The following PTPRR variants were observed in gnomAD, a reference collection of about 807,000 sequenced individuals.
PTPRR encodes the protein receptor-type tyrosine-protein phosphatase R.
Under a neutral mutation model 77.2 loss-of-function variants are expected in PTPRR, and 38 were observed. The observed-to-expected ratio is 0.49, with a 90% confidence interval of 0.38 to 0.65. The LOEUF (loss-of-function observed/expected upper bound fraction) is 0.65, where lower values mean the gene tolerates loss of function less well. PTPRR is among the 30% of genes least tolerant of loss of function. The pLI, the probability that PTPRR is intolerant of heterozygous loss-of-function variation, is 0.00. For missense variants in PTPRR, 744 were observed against 799.2 expected (o/e 0.93, Z 0.83); for synonymous variants, 299 against 283.1 (o/e 1.06, Z -0.57).
chr12:70,908,008 C>T (rs927776585), intron 1 of PTPRR, among the ~76,000 whole-genome samples: 2 of 152,122 alleles, frequency 1.3e-5, no homozygotes, highest in Admixed American at 6.6e-5. Context: ...TAATTCTATA[C>T]ATCGTTCATT....
chr12:70,718,181 C>A (rs945489648), intron 6 of PTPRR, among the ~76,000 whole-genome samples: 1 of 151,898 alleles, frequency 6.6e-6, no homozygotes, highest in Non-Finnish European at 1.5e-5. Flanking sequence ...GTCTGCCGAA[C>A]ATTTGAGACA....
At chr12:70,754,505 G>A (rs2136949910) in intron 4 of PTPRR, 1 of 1,575,298 alleles carries the variant, frequency 6.3e-7, no homozygotes, top group Non-Finnish European at 8.5e-7. Context: ...AGTCTCCTAT[G>A]CAGGAGCAAG....
In PTPRR at chr12:70,795,913, ATTTT is replaced by A. The variant is rs71437157; in HGVS notation, c.358-31139_358-31136del. Among the ~76,000 whole-genome samples, 8 of 88,390 alleles carry A rather than the reference ATTTT, an allele frequency of 9.1e-5. 1 individual carries two copies. In the South Asian group the frequency reaches 2.3e-3, roughly 26 times the overall value. The allele number at this position is 88,390 out of a possible 152,430, so 58.0% of individuals were successfully genotyped here. ...TATATGTTCAAAATGTATTTAGTAG[ATTTT>A]TTTTTTTTTTTTTTTTTTTTTTTTG... On this transcript the variant is annotated intron_variant, in intron 2 of 13. Coordinates refer to ENST00000283228, the MANE Select transcript of PTPRR (RefSeq NM_002849.4).
At chr12:70,919,868 G>T (rs1893829436) in intron 1 of PTPRR, among the ~76,000 whole-genome samples, 3 of 151,970 alleles carry the variant, frequency 2.0e-5, no homozygotes, top group Non-Finnish European at 4.4e-5. Context: ...CGATCTTTTG[G>T]GCGGAGATGT....
chr12:70,722,625 C>G (rs1433444802), intron 6 of PTPRR, among the ~76,000 whole-genome samples: 1 of 152,000 alleles, frequency 6.6e-6, no homozygotes, highest in Non-Finnish European at 1.5e-5. Context: ...ATCTGGGTAC[C>G]AACATTTTCT....
intron 2 of PTPRR, among the ~76,000 whole-genome samples, chr12:70,878,793 C>A (rs1456492010): frequency 6.6e-6 from 1 of 152,162 alleles, no homozygotes; most frequent in Non-Finnish European, 1.5e-5. Context: ...TATAAAGGCA[C>A]ATGCACACGT....
chr12:70,874,652 G>A (rs1274017991), intron 2 of PTPRR, among the ~76,000 whole-genome samples: 17 of 152,222 alleles, frequency 1.1e-4, no homozygotes, highest in African/African-American at 3.4e-4. Flanking sequence ...GGCCAGGCAC[G>A]GTGGCTCACG....
intron 4 of PTPRR, among the ~76,000 whole-genome samples, chr12:70,759,707 CA>C (rs1177462891): frequency 1.4e-3 from 90 of 66,570 alleles, no homozygotes; most frequent in African/African-American, 5.2e-3. Flanking sequence ...AAAAAAAAAA[CA>C]AACGAAAGGT....
In PTPRR at chr12:70,684,107, A is replaced by C; in HGVS notation, c.1497+20T>G. On this transcript the variant is annotated intron_variant, in intron 10 of 13. Coordinates refer to ENST00000283228, the MANE Select transcript of PTPRR (RefSeq NM_002849.4). ...GCAACAGAACACATATAACATTCAG[A>C]ACTTGATTAAAGATCATACCTCATT... 6.2e-7 allele frequency: 1 copy of C among 1,611,684 alleles called. No individual in the cohort carries two copies. The highest frequency in any genetic ancestry group is 8.5e-7 in the Non-Finnish European group (1 of 1,178,492).
intron 10 of PTPRR, among the ~76,000 whole-genome samples, chr12:70,665,708 T>G (rs1293969710): frequency 6.6e-6 from 1 of 152,004 alleles, no homozygotes; most frequent in East Asian, 1.9e-4. Flanking sequence ...GTGATCTTTT[T>G]TCTTCCCTTG....
At chr12:70,824,677 G>A (rs954596664) in intron 2 of PTPRR, among the ~76,000 whole-genome samples, 5 of 152,144 alleles carry the variant, frequency 3.3e-5, no homozygotes, top group Admixed American at 3.3e-4. Flanking sequence ...CTGCTGGTTC[G>A]TGTTGCTTTC....
chr12:70,657,699 T>C (rs1886636248), intron 12 of PTPRR, among the ~76,000 whole-genome samples: 1 of 152,162 alleles, frequency 6.6e-6, no homozygotes, highest in Non-Finnish European at 1.5e-5. Flanking sequence ...TTAATTATCT[T>C]TTCCCTCAAT....
chr12:70,679,800 T>C (rs761544801), intron 10 of PTPRR, among the ~76,000 whole-genome samples: 8 of 152,206 alleles, frequency 5.3e-5, no homozygotes, highest in Non-Finnish European at 8.8e-5. Context: ...GAGTTTCTTA[T>C]AGACGTCATA....
intron 2 of PTPRR, among the ~76,000 whole-genome samples, chr12:70,777,822 C>A (rs982492444): frequency 3.9e-5 from 6 of 152,314 alleles, no homozygotes; most frequent in Middle Eastern, 3.4e-3. Flanking sequence ...CACTCAGAAA[C>A]CCACATTAAA....
In PTPRR at chr12:70,744,603, C is replaced by A. The variant is rs376970256; in HGVS notation, c.1007+1215G>T. ...TTTGTATTCTGCAGTTCTTAAAATC[C>A]CAAGCTATATTTTCTGAAGGGTGTG... On this transcript the variant is annotated intron_variant, in intron 6 of 13. Transcript: ENST00000283228. Among the ~76,000 whole-genome samples the A allele has an allele frequency of 1.6e-3, 249 of 152,180 alleles. No homozygotes were observed. The Middle Eastern group carries it at 0.02, about 12-fold the overall frequency.
chr12:70,908,196 C>T (rs1565737969), intron 1 of PTPRR, among the ~76,000 whole-genome samples: 1 of 152,030 alleles, frequency 6.6e-6, no homozygotes, highest in African/African-American at 2.4e-5. Flanking sequence ...TATATTAAAA[C>T]ATAGCAAAAC....
At chr12:70,698,181 A>T in intron 8 of PTPRR, 84 bp downstream of exon 8, 1 of 1,162,956 alleles carries the variant, frequency 8.6e-7, no homozygotes, top group South Asian at 1.3e-5. Context: ...CCATCAACCC[A>T]TCATCTACAT....
chr12:70,726,097 CT>C (rs34746276), intron 6 of PTPRR, among the ~76,000 whole-genome samples: 17,211 of 143,336 alleles, frequency 0.12, 1,029 homozygotes, highest in African/African-American at 0.16. Context: ...AAGAATGATG[CT>C]TTTTTTTTTT....
At chr12:70,710,329 G>A (rs1348358829) in intron 6 of PTPRR, among the ~76,000 whole-genome samples, 1 of 152,138 alleles carries the variant, frequency 6.6e-6, no homozygotes, top group Non-Finnish European at 1.5e-5. Flanking sequence ...AAATGGTGCT[G>A]GGAGAACTGA....
Sources: allele counts gnomAD v4.1 joint callset (sites outside exome capture counted in the v4.1 genomes callset), GRCh38; gene constraint gnomAD v4.1.1; transcripts MANE v1.5; gene names NCBI Gene and HGNC (gene_info 2026-07-23, HGNC 2026-07-21).